Variants in UGT1A6 observed in about 807,000 individuals in gnomAD.
UGT1A6 encodes UDP glucuronosyltransferase family 1 member A6.
In UGT1A6, 32 loss-of-function variants were observed where a neutral mutation model predicts 44.4. The ratio of observed to expected loss-of-function variants is 0.72; its 90% CI spans 0.54 to 0.97. The LOEUF is 0.97. Among genes scored for constraint, UGT1A6 ranks in the 50% least tolerant of loss-of-function variants. The pLI, the probability that UGT1A6 is intolerant of heterozygous loss-of-function variation, is 0.00. For missense variants in UGT1A6, 685 were observed against 661.9 expected (o/e 1.03, Z -0.38); for synonymous variants, 238 against 248.5 (o/e 0.96, Z 0.40).
chr2:233,750,970 G>T (rs1694602078), intron 1 of UGT1A6, among the ~76,000 whole-genome samples: 1 of 151,844 alleles, frequency 6.6e-6, no homozygotes, highest in South Asian at 2.1e-4. Flanking sequence ...GCACTGCCTA[G>T]TGGAGTTGTG....
At position 233,712,486 on chromosome 2, in the gene UGT1A6, G is replaced by A. The variant is rs575970867; in HGVS notation, c.861+18621G>A. Among the ~76,000 whole-genome samples, 6 of 152,296 alleles carry A rather than the reference G, an allele frequency of 3.9e-5. No homozygotes were observed. In the South Asian group the frequency reaches 1.2e-3, roughly 32 times the overall value. Reference sequence around the variant, plus strand: ...CCTCCCCACTCCCTGTTTAAAGAAAGCTGGCTTAGCAATGTTGTCTGCATT... The same window carrying A: ...CCTCCCCACTCCCTGTTTAAAGAAAACTGGCTTAGCAATGTTGTCTGCATT... On this transcript the variant is annotated intron_variant, in intron 1 of 4. Coordinates refer to ENST00000305139, the MANE Select transcript of UGT1A6 (RefSeq NM_001072.4).
At chr2:233,707,601 G>A (rs953899116) in intron 1 of UGT1A6, among the ~76,000 whole-genome samples, 4 of 148,144 alleles carry the variant, frequency 2.7e-5, no homozygotes, top group Admixed American at 2.0e-4. Context: ...TTTACAAGTT[G>A]TAGTTTGTGG....
chr2:233,719,660 C>G, intron 1 of UGT1A6: 1 of 1,614,116 alleles, frequency 6.2e-7, no homozygotes, highest in Non-Finnish European at 8.5e-7. Flanking sequence ...GGGGCATCAA[C>G]TGTGCCAACG....
chr2:233,724,488 C>T (rs1473203423), intron 1 of UGT1A6, among the ~76,000 whole-genome samples: 4 of 72,584 alleles, frequency 5.5e-5, no homozygotes, highest in Non-Finnish European at 8.7e-5. Context: ...TCAGACGGGG[C>T]GGCCGGGCAG....
intron 1 of UGT1A6, among the ~76,000 whole-genome samples, chr2:233,734,913 T>G (rs1279998122): frequency 6.6e-6 from 1 of 152,224 alleles, no homozygotes; most frequent in Non-Finnish European, 1.5e-5. Context: ...TTACATTTGC[T>G]AAGGAGTGCT....
chr2:233,713,793 C>T (rs2076346799), intron 1 of UGT1A6: 2 of 1,613,928 alleles, frequency 1.2e-6, no homozygotes, highest in African/African-American at 1.3e-5. Context: ...TTACCCCAGG[C>T]CGATCATGCC....
intron 1 of UGT1A6, chr2:233,743,590 T>C: frequency 1.5e-6 from 2 of 1,367,294 alleles, no homozygotes; most frequent in South Asian, 1.1e-5. Context: ...CAAAGGAGAA[T>C]GGGTCCTGGC....
intron 1 of UGT1A6, chr2:233,755,146 C>A: frequency 7.7e-7 from 1 of 1,304,902 alleles, no homozygotes; most frequent in Non-Finnish European, 1.0e-6. Flanking sequence ...CTTCTCACCG[C>A]TTCCTCCCTG....
At chr2:233,751,110 CCA>C (rs1235610368) in intron 1 of UGT1A6, among the ~76,000 whole-genome samples, 2 of 151,964 alleles carry the variant, frequency 1.3e-5, no homozygotes, top group African/African-American at 4.9e-5. Flanking sequence ...GCCCTGCAAG[CCA>C]CAGTGTCCAA....
chr2:233,755,331 G>A (rs568550751), intron 1 of UGT1A6: 25 of 462,098 alleles, frequency 5.4e-5, no homozygotes, highest in Admixed American at 1.1e-4. Flanking sequence ...GCCAGCACCC[G>A]CGCACAGGTC....
At chr2:233,766,566 G>A (rs930471985) in intron 1 of UGT1A6, among the ~76,000 whole-genome samples, 1 of 152,162 alleles carries the variant, frequency 6.6e-6, no homozygotes, top group Non-Finnish European at 1.5e-5. Context: ...AGGTCCATGG[G>A]CACAGGTCTG....
At chr2:233,708,956 T>A (rs1167417954) in intron 1 of UGT1A6, among the ~76,000 whole-genome samples, 1 of 152,154 alleles carries the variant, frequency 6.6e-6, no homozygotes, top group East Asian at 1.9e-4. Flanking sequence ...CATTTATATG[T>A]TTCCATTTCT....
At chr2:233,724,150 G>A (rs2077177057) in intron 1 of UGT1A6, among the ~76,000 whole-genome samples, 3 of 120,556 alleles carry the variant, frequency 2.5e-5, no homozygotes, top group Non-Finnish European at 5.1e-5. Flanking sequence ...GCGGCTGGCC[G>A]GGTGGGGGGG....
chr2:233,725,124 C>T (rs1317308405), intron 1 of UGT1A6, among the ~76,000 whole-genome samples: 3 of 137,634 alleles, frequency 2.2e-5, no homozygotes, highest in Admixed American at 7.2e-5. Context: ...TGCAGTGAGC[C>T]GAGATGGCAG....
intron 1 of UGT1A6, among the ~76,000 whole-genome samples, chr2:233,715,363 T>C (rs142199192): frequency 1.3e-5 from 2 of 150,268 alleles, no homozygotes; most frequent in African/African-American, 4.9e-5. Context: ...TTGAGACTTA[T>C]ATTTTCTTCA....
In UGT1A6 at chr2:233,752,546, T is replaced by C. The variant is rs530394828; in HGVS notation, c.862-14488T>C. ...TAAAAATTCTTTAAATAAAATGCTC[T>C]TGCTGGGACAACATAGTGGGTCAAC... is the stretch of plus-strand genomic sequence containing the variant. On this transcript the variant is annotated intron_variant, in intron 1 of 4. Coordinates refer to ENST00000305139, the MANE Select transcript of UGT1A6 (RefSeq NM_001072.4). The C allele has an allele frequency of 2.0e-5, 3 of 152,346 alleles. No homozygotes were observed. The East Asian group carries it at 5.8e-4, about 29-fold the overall frequency. The allele number at this position is 152,346 out of a possible 1,614,324, so 9.4% of individuals were successfully genotyped here.
chr2:233,740,339 A>T (rs1249228201), intron 1 of UGT1A6, among the ~76,000 whole-genome samples: 1 of 151,952 alleles, frequency 6.6e-6, no homozygotes, highest in Admixed American at 6.5e-5. Context: ...GAGAAAGTTG[A>T]TGAGAAAGTG....
At position 233,693,756 on chromosome 2, in the gene UGT1A6, C is replaced by T; in HGVS notation, c.752C>T (p.Ser251Phe). 1 of 1,614,248 alleles carries T rather than the reference C, an allele frequency of 6.2e-7. No homozygotes were observed. Among genetic ancestry groups the T allele is most frequent in the Admixed American group, 1.7e-5 (1 of 60,034 alleles). The change falls in exon 1 of 5, where the codon TCT becomes TTT. Residue 251 changes from serine to phenylalanine, a missense_variant. Coordinates refer to ENST00000305139, the MANE Select transcript of UGT1A6 (RefSeq NM_001072.4). ...ATAATCACCTTATATCAGAAGGTCT[C>T]TGTTTGGCTGTTAAGATATGACTTT... ...VDIITLYQKV[S>F]VWLLRYDFVL...
intron 1 of UGT1A6, among the ~76,000 whole-genome samples, chr2:233,756,693 T>C (rs1305461555): frequency 6.6e-6 from 1 of 152,168 alleles, no homozygotes; most frequent in East Asian, 1.9e-4. Context: ...ATAATGACGA[T>C]GAATTTTGGG....
Sources: gnomAD v4.1 joint callset for allele counts (sites outside exome capture counted in the v4.1 genomes callset) on GRCh38, gnomAD v4.1.1 for gene constraint, MANE v1.5 for transcripts, NCBI Gene and HGNC (gene_info 2026-07-23, HGNC 2026-07-21) for gene names.